RIPOR2: variants seen among roughly 807,000 people sequenced by gnomAD.
RIPOR2 encodes the protein rho family-interacting cell polarization regulator 2.
A neutral mutation model predicts 114.5 loss-of-function variants in RIPOR2; 39 were observed. The observed-to-expected ratio is 0.34, with a 90% CI of 0.26 to 0.44. The LOEUF (loss-of-function observed/expected upper bound fraction) is 0.44, where lower values mean the gene tolerates loss of function less well. Ranked by LOEUF, RIPOR2 falls within the 20% of genes least tolerant of loss-of-function variation. The pLI is 1.00. For synonymous variants in RIPOR2, 445 were observed against 484.4 expected (o/e 0.92, Z 1.07); for missense variants, 1,007 against 1,255.1 (o/e 0.80, Z 2.99).
chr6:24,880,871 C>A (rs1365508211), intron 1 of RIPOR2, among the ~76,000 whole-genome samples: 1 of 152,122 alleles, frequency 6.6e-6, no homozygotes, highest in Non-Finnish European at 1.5e-5. Context: ...CTGATATATA[C>A]TCATATATAC....
chr6:24,935,148 A>T (rs1771676027), intron 1 of RIPOR2, among the ~76,000 whole-genome samples: 1 of 152,006 alleles, frequency 6.6e-6, no homozygotes, highest in Non-Finnish European at 1.5e-5. Flanking sequence ...TCTCTACTAA[A>T]AATACAAAAA....
chr6:24,995,635 C>T (rs1207656631), intron 1 of RIPOR2, among the ~76,000 whole-genome samples: 1 of 152,196 alleles, frequency 6.6e-6, no homozygotes, highest in Non-Finnish European at 1.5e-5. Context: ...GAGAATACAA[C>T]ATACAAGGTA....
At chr6:25,021,432 C>T (rs1233711410) in intron 1 of RIPOR2, among the ~76,000 whole-genome samples, 1 of 152,180 alleles carries the variant, frequency 6.6e-6, no homozygotes, top group Non-Finnish European at 1.5e-5. Context: ...TTGTGGTATA[C>T]ATTCACGATG....
rs753795820 is a variant in RIPOR2, at chr6:24,825,890, A to G, written c.2666-462T>C. Among the ~76,000 whole-genome samples, 52 of 149,298 alleles carry G rather than the reference A, an allele frequency of 3.5e-4. 1 individual carries two copies. Among genetic ancestry groups the G allele is most frequent in the Non-Finnish European group, 7.4e-4 (50 of 67,188 alleles). On this transcript the variant is annotated intron_variant, in intron 18 of 21. Transcript: ENST00000643898. ...CAACTGGGCCCCGATGGAGCAACCT[A>G]TCTATCTATTTATTTATTTATTTAA...
intron 1 of RIPOR2, among the ~76,000 whole-genome samples, chr6:24,918,553 AG>A (rs1433476362): frequency 6.6e-6 from 1 of 152,182 alleles, no homozygotes; most frequent in African/African-American, 2.4e-5. Flanking sequence ...CATTAACTTC[AG>A]GAGCTACTTT....
chr6:25,018,077 G>GT (rs1228372739), intron 1 of RIPOR2, among the ~76,000 whole-genome samples: 1 of 152,210 alleles, frequency 6.6e-6, no homozygotes, highest in Non-Finnish European at 1.5e-5. Flanking sequence ...TTTGGTGACT[G>GT]TATCAGTTTC....
At chr6:24,979,372 C>G (rs1774203560) in intron 1 of RIPOR2, among the ~76,000 whole-genome samples, 2 of 142,042 alleles carry the variant, frequency 1.4e-5, no homozygotes, top group Non-Finnish European at 3.0e-5. Context: ...TGCACATTAA[C>G]TGTCCTGTGG....
intron 1 of RIPOR2, among the ~76,000 whole-genome samples, chr6:24,951,941 G>A (rs191982467): frequency 1.4e-3 from 218 of 152,320 alleles, no homozygotes; most frequent in African/African-American, 5.1e-3. Flanking sequence ...ATCCACAGTA[G>A]TCGTAAATAT....
rs70974955 is a variant in RIPOR2, at chr6:24,964,147, C to CTGTGTGTGTGTGTGTGTG, written c.76+77686_76+77703dup. Among the ~76,000 whole-genome samples, 346 of 146,702 alleles carry CTGTGTGTGTGTGTGTGTG rather than the reference C, an allele frequency of 2.4e-3. 1 individual carries two copies. The highest frequency in any genetic ancestry group is 8.1e-3 in the African/African-American group (318 of 39,254). On this transcript the variant is annotated intron_variant, in intron 1 of 13. Transcript: ENST00000510784. ...CAAAACAAGGAAATTGACATTGGCT[C>CTGTGTGTGTGTGTGTGTG]TGTGTGTGTGTGTGTGTGTGTGTGT...
chr6:24,830,435 C>T, intron 17 of RIPOR2, 74 bp downstream of exon 17: 1 of 1,292,158 alleles, frequency 7.7e-7, no homozygotes, highest in Non-Finnish European at 1.1e-6. Context: ...GAGGACCCCT[C>T]TCCCCCGACC....
intron 1 of RIPOR2, among the ~76,000 whole-genome samples, chr6:24,990,923 G>C (rs1774781098): frequency 6.6e-6 from 1 of 152,202 alleles, no homozygotes; most frequent in Non-Finnish European, 1.5e-5. Context: ...AAAATGCTCA[G>C]GATACGTAAA....
At chr6:25,019,530 G>A (rs1189952568) in intron 1 of RIPOR2, among the ~76,000 whole-genome samples, 1 of 152,072 alleles carries the variant, frequency 6.6e-6, no homozygotes, top group Non-Finnish European at 1.5e-5. Context: ...AGCACTCTGG[G>A]AGGCTGAGGC....
intron 1 of RIPOR2, among the ~76,000 whole-genome samples, chr6:25,036,166 C>A (rs1300990501): frequency 6.6e-6 from 1 of 152,182 alleles, no homozygotes; most frequent in Non-Finnish European, 1.5e-5. Context: ...GCCGGCGAAG[C>A]AGAACAAGAC....
intron 1 of RIPOR2, among the ~76,000 whole-genome samples, chr6:24,993,617 C>T (rs4712873): frequency 4.6e-5 from 7 of 152,214 alleles, no homozygotes; most frequent in South Asian, 2.1e-4. Context: ...TGTGTGTGTG[C>T]GTGCACACAT....
chr6:24,836,956 T>A (rs958275857), intron 14 of RIPOR2, among the ~76,000 whole-genome samples: 3 of 152,176 alleles, frequency 2.0e-5, no homozygotes, highest in Non-Finnish European at 4.4e-5. Context: ...CTTGTGATAT[T>A]TTTTTGTTAA....
intron 7 of RIPOR2, among the ~76,000 whole-genome samples, chr6:24,862,305 C>T (rs188219549): frequency 1.5e-4 from 23 of 152,364 alleles, no homozygotes; most frequent in Admixed American, 9.1e-4. Flanking sequence ...CTGCAGGCTT[C>T]TCCCTCAGTT....
chr6:24,936,608 CT>C (rs1051849920), upstream of RIPOR2, among the ~76,000 whole-genome samples: 9 of 152,156 alleles, frequency 5.9e-5, no homozygotes, highest in Non-Finnish European at 1.3e-4. Flanking sequence ...CAGTTTGATA[CT>C]TCAGACTGTA....
At position 24,849,662 on chromosome 6, in the gene RIPOR2, A is replaced by G. The variant is rs982052315; in HGVS notation, c.1034+140T>C. On this transcript the variant is annotated intron_variant, in intron 11 of 21. Transcript: ENST00000643898. ...TCTGGGGCCTGAGCAATTCTGACAC[A>G]GTAGTCCTGGGGTGGGGCCCGAGAT... 37 of 711,174 alleles carry G rather than the reference A, an allele frequency of 5.2e-5. No individual in the cohort carries two copies. In the African/African-American group the frequency reaches 6.6e-4, roughly 13 times the overall value. 44.1% of individuals were successfully genotyped at this position (711,174 alleles called of 1,614,324 possible).
At chr6:25,036,150 A>G (rs1777241156) in intron 1 of RIPOR2, among the ~76,000 whole-genome samples, 1 of 152,202 alleles carries the variant, frequency 6.6e-6, no homozygotes, top group African/African-American at 2.4e-5. Context: ...CTGAGTCAGG[A>G]GAATGGCCGG....
Sources: gnomAD v4.1 joint callset for allele counts (sites outside exome capture counted in the v4.1 genomes callset) on GRCh38, gnomAD v4.1.1 for gene constraint, MANE v1.5 for transcripts, NCBI Gene and HGNC (gene_info 2026-07-23, HGNC 2026-07-21) for gene names.